MYBL2: variants seen among roughly 807,000 people sequenced by gnomAD.
MYBL2 encodes the protein myb-related protein B.
MYBL2 carries 28 observed loss-of-function variants against 79.9 expected under a neutral mutation model. That is an observed-to-expected ratio of 0.35 (90% CI 0.26 to 0.48). The LOEUF is 0.48. Among genes scored for constraint, MYBL2 ranks in the 20% least tolerant of loss-of-function variants. The pLI is 0.99. For missense variants in MYBL2, 735 were observed against 893.9 expected, an observed-to-expected ratio of 0.82 and a Z score of 2.27; for synonymous variants, 378 against 361.2, an observed-to-expected ratio of 1.05 and a Z score of -0.53.
chr20:43,678,095 T>C (rs1256849440), intron 2 of MYBL2, among the ~76,000 whole-genome samples: 3 of 150,408 alleles, frequency 2.0e-5, no homozygotes, highest in African/African-American at 5.0e-5. Flanking sequence ...AAACAGACGC[T>C]TGAAGGCAGC....
At chr20:43,684,223 GTTC>G (rs1171377364) in intron 4 of MYBL2, among the ~76,000 whole-genome samples, 2 of 149,034 alleles carry the variant, frequency 1.3e-5, no homozygotes, top group African/African-American at 5.0e-5. Context: ...CACCATTCCT[GTTC>G]TTTTTTTTTT....
At chr20:43,697,931 A>T (rs1448720090) in intron 6 of MYBL2, among the ~76,000 whole-genome samples, 1 of 151,420 alleles carries the variant, frequency 6.6e-6, no homozygotes, top group Non-Finnish European at 1.5e-5. Context: ...AAAAAAAAAA[A>T]ATTGCGTGTA....
At chr20:43,693,700 CCAGAG>C (rs1987468638) in intron 6 of MYBL2, among the ~76,000 whole-genome samples, 2 of 152,094 alleles carry the variant, frequency 1.3e-5, no homozygotes, top group African/African-American at 4.8e-5. Context: ...GTCCTATATA[CCAGAG>C]CAAAGTTTTT....
At chr20:43,674,237 T>A (rs1235975351) in intron 2 of MYBL2, among the ~76,000 whole-genome samples, 1 of 123,230 alleles carries the variant, frequency 8.1e-6, no homozygotes, top group Non-Finnish European at 1.7e-5. Context: ...CCCCACCCTT[T>A]TTTTTTTTTT....
intron 8 of MYBL2, among the ~76,000 whole-genome samples, chr20:43,704,061 T>C (rs1198060972): frequency 3.3e-5 from 5 of 152,194 alleles, no homozygotes; most frequent in African/African-American, 1.2e-4. Flanking sequence ...GGCTGGAGGC[T>C]GGAGTGCAGT....
intron 8 of MYBL2, among the ~76,000 whole-genome samples, chr20:43,704,910 A>C (rs1481745309): frequency 1.3e-5 from 2 of 152,114 alleles, no homozygotes; most frequent in Admixed American, 6.5e-5. Flanking sequence ...TTCTTCTGAG[A>C]AGGAGCCACT....
At chr20:43,671,292 A>G in intron 1 of MYBL2, among the ~76,000 whole-genome samples, 1 of 151,572 alleles carries the variant, frequency 6.6e-6, no homozygotes, top group East Asian at 1.9e-4. Context: ...AGTAGCTGGG[A>G]TTACAGGCGC....
chr20:43,684,433 C>T (rs1177956080), intron 4 of MYBL2, among the ~76,000 whole-genome samples: 3 of 151,660 alleles, frequency 2.0e-5, no homozygotes, highest in Non-Finnish European at 4.4e-5. Flanking sequence ...GACAGGGTTT[C>T]ACCATGTTGG....
intron 1 of MYBL2, among the ~76,000 whole-genome samples, chr20:43,673,067 C>T (rs2145706311): frequency 6.6e-6 from 1 of 152,170 alleles, no homozygotes; most frequent in South Asian, 2.1e-4. Flanking sequence ...CCTCAGCCTC[C>T]TGAGTAGCTG....
rs747063275 is a variant in MYBL2, at chr20:43,716,091, G to A, written c.*4G>A. 1.2e-6 allele frequency: 2 copies of A among 1,605,258 alleles called. No homozygotes were observed. Among genetic ancestry groups the A allele is most frequent in the Non-Finnish European group, 1.7e-6 (2 of 1,179,574 alleles). On this transcript the variant is annotated 3_prime_UTR_variant, in exon 14 of 14. Transcript: ENST00000217026. ...TCGGACCCTCATCTTGTCCTGAGGTGTTGAGGGTGTCACGAGCCCATTCTC... is the reference window on the plus strand; with the variant it reads ...TCGGACCCTCATCTTGTCCTGAGGTATTGAGGGTGTCACGAGCCCATTCTC...
At chr20:43,682,135 G>C (rs1244229094) in intron 3 of MYBL2, among the ~76,000 whole-genome samples, 3 of 152,230 alleles carry the variant, frequency 2.0e-5, no homozygotes, top group Admixed American at 6.5e-5. Context: ...ATTTCTTCCT[G>C]TAAGTCAGGA....
intron 1 of MYBL2, among the ~76,000 whole-genome samples, chr20:43,669,720 G>A (rs192541835): frequency 2.6e-5 from 4 of 152,280 alleles, no homozygotes; most frequent in Admixed American, 2.0e-4. Context: ...CTCAATTTCC[G>A]CATCTGTTAA....
At chr20:43,671,354 C>T (rs1425176305) in intron 1 of MYBL2, among the ~76,000 whole-genome samples, 1 of 151,588 alleles carries the variant, frequency 6.6e-6, no homozygotes, top group African/African-American at 2.4e-5. Context: ...GACATCATTT[C>T]ACCATGTTGA....
chr20:43,692,189 C>T lies in MYBL2; in HGVS notation c.533C>T (p.Ser178Phe). 1 of 1,614,158 alleles carries T rather than the reference C, an allele frequency of 6.2e-7. No individual in the cohort carries two copies. Among genetic ancestry groups the T allele is most frequent in the Non-Finnish European group, 8.5e-7 (1 of 1,180,040 alleles). ...AATGCTGTGAAGAATCACTGGAACT[C>T]TACCATCAAAAGGAAGGTGGACACA... ...TDNAVKNHWN[S>F]TIKRKVDTGG... is the part of the protein sequence containing the mutation. Residue 178 changes from serine to phenylalanine, a missense_variant, in exon 6 of 14, where the codon TCT (serine) becomes TTT (phenylalanine). Ser to Phe is a radical substitution (Grantham distance 155, BLOSUM62 -2). This residue lies in a region of MYBL2 where 65 missense variants were observed against 145.2 expected (regional missense o/e 0.45). Transcript: ENST00000217026.
intron 6 of MYBL2, among the ~76,000 whole-genome samples, chr20:43,697,801 G>C (rs1338707355): frequency 6.6e-6 from 1 of 151,768 alleles, no homozygotes. Context: ...TGTAGTCCCA[G>C]CTACTAGGGA....
intron 5 of MYBL2, among the ~76,000 whole-genome samples, chr20:43,691,286 G>A (rs1987399914): frequency 1.3e-5 from 2 of 151,732 alleles, no homozygotes. Context: ...CATATCTTCA[G>A]TTTTATAATT....
At chr20:43,711,827 C>T (rs1282324985) in intron 11 of MYBL2, among the ~76,000 whole-genome samples, 1 of 152,136 alleles carries the variant, frequency 6.6e-6, no homozygotes, top group Non-Finnish European at 1.5e-5. Context: ...CTTACTTATC[C>T]AGCATTGTGT....
chr20:43,692,284 G>C lies in MYBL2; in HGVS notation c.628G>C (p.Asp210His), dbSNP rs779837017. The C allele has an allele frequency of 6.2e-7, 1 of 1,614,088 alleles. No homozygotes were observed. Among genetic ancestry groups the C allele is most frequent in the African/African-American group, 1.3e-5 (1 of 74,934 alleles). Residue 210 changes from aspartate to histidine, a missense_variant, in exon 6 of 14, where the codon GAC becomes CAC. By Grantham distance (81) the Asp-to-His change is moderately conservative (BLOSUM62 -1). Around this residue, in one of 5 missense-constraint regions of MYBL2, gnomAD observed 144 missense variants for 131.9 expected, o/e 1.09. Coordinates refer to ENST00000217026, the MANE Select transcript of MYBL2 (RefSeq NM_002466.4). ...VYLLLELEDK[D>H]GLQSAQPTEG... is the part of the protein sequence containing the mutation. Reference sequence around the variant, plus strand: ...CTTGCTGCTGGAGCTCGAGGACAAGGACGGCCTCCAGAGTGCCCAGCCCAC... The same window carrying C: ...CTTGCTGCTGGAGCTCGAGGACAAGCACGGCCTCCAGAGTGCCCAGCCCAC...
chr20:43,674,637 G>T (rs1359046244), intron 2 of MYBL2, among the ~76,000 whole-genome samples: 1 of 149,998 alleles, frequency 6.7e-6, no homozygotes, highest in Non-Finnish European at 1.5e-5. Context: ...CTCATGATCT[G>T]CCCGCCTCGG....
Sources: allele counts gnomAD v4.1 joint callset (sites outside exome capture counted in the v4.1 genomes callset), GRCh38; gene constraint gnomAD v4.1.1; regional missense constraint gnomAD v4.1.1; transcripts MANE v1.5; gene names NCBI Gene and HGNC (gene_info 2026-07-23, HGNC 2026-07-21).